Variants in TENM2 observed in about 807,000 individuals in gnomAD.
The protein encoded by TENM2 is teneurin transmembrane protein 2.
In TENM2, 52 loss-of-function variants were observed where a neutral mutation model predicts 245.2. The ratio of observed to expected loss-of-function variants is 0.21; its 90% CI spans 0.17 to 0.27. The LOEUF (loss-of-function observed/expected upper bound fraction) is 0.27. Ranked by LOEUF, TENM2 falls within the 10% of genes least tolerant of loss-of-function variation. The probability of loss-of-function intolerance (pLI) is 1.00; values close to 1 mark genes in which losing one functional copy is unlikely to be tolerated. For missense variants in TENM2, 3,046 were observed against 3,666.8 expected (o/e 0.83, Z 4.37); for synonymous variants, 1,363 against 1,438.9 (o/e 0.95, Z 1.19).
chr5:167,370,341 C>CAAAAAAAAA (rs35067759), intron 1 of TENM2, among the ~76,000 whole-genome samples: 1 of 73,474 alleles, frequency 1.4e-5, no homozygotes, highest in Non-Finnish European at 3.1e-5. Flanking sequence ...GACTCCGTCT[C>CAAAAAAAAA]AAAAAAAAAA....
At chr5:167,069,186 C>T in the TENM2 span, among the ~76,000 whole-genome samples, 5 of 152,006 alleles carry the variant, frequency 3.3e-5, no homozygotes, top group Admixed American at 3.3e-4. Context: ...ACTTAATTTC[C>T]ATTAAGGGAG....
chr5:167,123,305 G>A, the TENM2 span, among the ~76,000 whole-genome samples: 1 of 152,174 alleles, frequency 6.6e-6, no homozygotes, highest in Non-Finnish European at 1.5e-5. Flanking sequence ...GGGGCTTAGA[G>A]CAATAGAGCA....
chr5:168,212,331 A>G (rs1762856056), intron 20 of TENM2, among the ~76,000 whole-genome samples: 1 of 152,226 alleles, frequency 6.6e-6, no homozygotes, highest in African/African-American at 2.4e-5. Flanking sequence ...CGCCTTGGTC[A>G]TTACATTGAT....
At chr5:167,097,791 T>C in the TENM2 span, among the ~76,000 whole-genome samples, 1 of 152,174 alleles carries the variant, frequency 6.6e-6, no homozygotes, top group Non-Finnish European at 1.5e-5. Flanking sequence ...GTGGTATGTG[T>C]TTTTATTTTT....
chr5:168,162,871 G>C, intron 13 of TENM2, 114 bp downstream of exon 15: 1 of 1,301,298 alleles, frequency 7.7e-7, no homozygotes, highest in African/African-American at 1.5e-5. Context: ...AAATGTTGTT[G>C]TAACATTTTC....
chr5:168,113,033 T>G (rs970856334), intron 9 of TENM2, among the ~76,000 whole-genome samples: 1 of 152,210 alleles, frequency 6.6e-6, no homozygotes, highest in African/African-American at 2.4e-5. Flanking sequence ...CAAACAGACT[T>G]CAGCTGGGTG....
intron 4 of TENM2, among the ~76,000 whole-genome samples, chr5:167,987,464 A>G (rs919293121): frequency 2.6e-5 from 4 of 151,768 alleles, no homozygotes; most frequent in African/African-American, 9.7e-5. Flanking sequence ...AGTAGGTGGG[A>G]TTACAGGTGC....
At chr5:168,227,607 C>G (rs1203556408) in intron 24 of TENM2, among the ~76,000 whole-genome samples, 1 of 149,268 alleles carries the variant, frequency 6.7e-6, no homozygotes, top group East Asian at 2.0e-4. Flanking sequence ...CAATAGACAT[C>G]TTTAAATGTT....
At chr5:167,653,927 T>C (rs986937589) in intron 2 of TENM2, 1 of 151,492 alleles carries the variant, frequency 6.6e-6, no homozygotes, top group African/African-American at 2.4e-5. Flanking sequence ...ATGGAGCCAA[T>C]CTAAAAGGAG....
chr5:168,123,456 A>G (rs1795622681), intron 10 of TENM2, among the ~76,000 whole-genome samples: 1 of 152,264 alleles, frequency 6.6e-6, no homozygotes, highest in Non-Finnish European at 1.5e-5. Context: ...TAGAGACCAG[A>G]AGTCTTACAT....
At chr5:167,661,694 G>A (rs540238975) in intron 2 of TENM2, among the ~76,000 whole-genome samples, 1 of 152,210 alleles carries the variant, frequency 6.6e-6, no homozygotes, top group Non-Finnish European at 1.5e-5. Flanking sequence ...TGATTTAGAA[G>A]ATATTGTTTC....
the TENM2 span, among the ~76,000 whole-genome samples, chr5:167,016,314 T>G: frequency 2.0e-5 from 3 of 146,448 alleles, no homozygotes; most frequent in African/African-American, 5.0e-5. Flanking sequence ...GAGAGAGGCC[T>G]CCTGTCTACT....
chr5:166,983,582 C>A, the TENM2 span, among the ~76,000 whole-genome samples: 1 of 152,090 alleles, frequency 6.6e-6, no homozygotes, highest in African/African-American at 2.4e-5. Flanking sequence ...AATCTATATT[C>A]CCCATAAAGA....
chr5:167,276,141 T>G, the TENM2 span, among the ~76,000 whole-genome samples: 2 of 152,066 alleles, frequency 1.3e-5, no homozygotes, highest in Non-Finnish European at 1.5e-5. Flanking sequence ...AAGGGAATAT[T>G]GGTCTTTAGC....
chr5:167,704,905 G>T (rs919899477), intron 2 of TENM2, among the ~76,000 whole-genome samples: 1 of 152,184 alleles, frequency 6.6e-6, no homozygotes, highest in African/African-American at 2.4e-5. Flanking sequence ...TAGGTCTGCT[G>T]GAGTGTGTGT....
chr5:167,873,748 G>C (rs974448826), intron 2 of TENM2, among the ~76,000 whole-genome samples: 1 of 152,222 alleles, frequency 6.6e-6, no homozygotes, highest in Middle Eastern at 3.4e-3. Flanking sequence ...CACTGATTCT[G>C]ATCAAACTCC....
the TENM2 span, among the ~76,000 whole-genome samples, chr5:167,133,505 G>A: frequency 6.6e-6 from 1 of 151,920 alleles, no homozygotes; most frequent in Non-Finnish European, 1.5e-5. Context: ...TCAAATACCT[G>A]TGGAGTTAGG....
rs780980217 is a variant in TENM2, at chr5:168,262,652, C to T, written c.8167C>T (p.Arg2723Cys). 3.2e-5 allele frequency: 51 copies of T among 1,603,940 alleles called. No homozygotes were observed. Among genetic ancestry groups the T allele is most frequent in the South Asian group, 1.3e-4 (12 of 88,928 alleles). The change falls in exon 29 of 29, where the codon CGC becomes TGC. Residue 2723 changes from arginine to cysteine, a missense_variant. Around this residue, in one of 2 missense-constraint regions of TENM2, gnomAD observed 2,704 missense variants for 3,331.9 expected, o/e 0.81. Coordinates refer to ENST00000518659, the Ensembl canonical transcript of TENM2. ...AGCCAGGGACGGGAGAGAGGGGAGCCGCCTGTGGACTGAGGGCGAGAAGCA... is the reference window on the plus strand; with the variant it reads ...AGCCAGGGACGGGAGAGAGGGGAGCTGCCTGTGGACTGAGGGCGAGAAGCA...
chr5:167,700,372 G>A (rs762049541), intron 2 of TENM2, among the ~76,000 whole-genome samples: 1 of 152,286 alleles, frequency 6.6e-6, no homozygotes, highest in Non-Finnish European at 1.5e-5. Context: ...ATTATCACTC[G>A]AATCCCCACA....
Sources: gnomAD v4.1 joint callset for allele counts (sites outside exome capture counted in the v4.1 genomes callset) on GRCh38, gnomAD v4.1.1 for gene constraint, gnomAD v4.1.1 regional missense constraint, MANE v1.5 for transcripts, NCBI Gene and HGNC (gene_info 2026-07-23, HGNC 2026-07-21) for gene names.